TTN: variants seen among roughly 807,000 people sequenced by gnomAD.
TTN encodes the protein connectin.
TTN carries 1,525 observed loss-of-function variants against 3,223.0 expected under a neutral mutation model. The observed-to-expected ratio is 0.47, with a 90% confidence interval of 0.45 to 0.49. TTN has a LOEUF of 0.49. Ranked by LOEUF, TTN falls within the 20% of genes least tolerant of loss-of-function variation. TTN has a pLI of 0.00. For missense variants in TTN, 40,786 were observed against 43,424.0 expected, an observed-to-expected ratio of 0.94 and a Z score of 5.40; for synonymous variants, 14,094 against 15,161.0, an observed-to-expected ratio of 0.93 and a Z score of 5.17.
In TTN at chr2:178,646,667, T is replaced by C. The variant is rs763764030; in HGVS notation, c.40223-108A>G. ...AGATTACAGTCACAAAATAAAAATA[T>C]ACAATTCATACAAATTCATGTATAG... On this transcript the variant is annotated intron_variant, in intron 215 of 362. Transcript: ENST00000589042. The C allele has an allele frequency of 1.1e-4, 72 of 629,822 alleles. 2 individuals carry two copies. Among genetic ancestry groups the C allele is most frequent in the South Asian group, 5.2e-4 (22 of 41,974 alleles). The allele number at this position is 629,822 out of a possible 1,614,324, so 39.0% of individuals were successfully genotyped here.
chr2:178,678,185 T>TG lies in TTN; in HGVS notation c.33933dup (p.Ile11312HisfsTer26). On this transcript the variant is annotated frameshift_variant, in exon 145 of 363. Transcript: ENST00000589042. LOFTEE classifies it high-confidence loss of function. ...GGTGTTGGTTTCTTTTCTTCTGGGA[T>TG]GAGCTTCTTGGGCACCTCTGGCACT... The TG allele has an allele frequency of 1.2e-6, 2 of 1,610,908 alleles. No individual in the cohort carries two copies. Among genetic ancestry groups the TG allele is most frequent in the Non-Finnish European group, 8.5e-7 (1 of 1,178,824 alleles).
intron 336 of TTN, 57 bp downstream of exon 336, chr2:178,550,910 G>T: frequency 6.5e-7 from 1 of 1,545,132 alleles, no homozygotes; most frequent in Non-Finnish European, 8.7e-7. Context: ...GGCCAAATGT[G>T]TTTTTTAAAA....
Position 178,735,537 on chromosome 2 carries a change from G to A in TTN, c.14909C>T (p.Ser4970Phe), listed in dbSNP as rs1418301543. 8.1e-6 allele frequency: 13 copies of A among 1,595,578 alleles called. No homozygotes were observed. The highest frequency in any genetic ancestry group is 7.7e-6 in the Non-Finnish European group (9 of 1,172,484). The change falls in exon 50 of 363, where the codon TCC becomes TTC. Residue 4970 changes from serine to phenylalanine, a missense_variant. Ser to Phe is a radical substitution (Grantham distance 155). Coordinates refer to ENST00000589042, the MANE Select transcript of TTN (RefSeq NM_001267550.2). ...CTASNEAGSSSCSATVTVREP... is the reference protein window; with the variant it reads ...CTASNEAGSSFCSATVTVREP... ...TCTGACAGTGACTGTGGCTGAGCAG[G>A]AGCTGCTTCCAGCCTCATTTGAAGC...
Position 178,741,691 on chromosome 2 carries a change from T to C in TTN, c.11542A>G (p.Lys3848Glu). 1 of 1,613,786 alleles carries C rather than the reference T, an allele frequency of 6.2e-7. No individual in the cohort carries two copies. The highest frequency in any genetic ancestry group is 1.3e-5 in the African/African-American group (1 of 75,038). The change falls in exon 48 of 363, where the codon AAA (lysine) becomes GAA (glutamate). Residue 3848 changes from lysine (K) to glutamate (E), a missense_variant. Coordinates refer to ENST00000589042, the MANE Select transcript of TTN (RefSeq NM_001267550.2). ...TTAAAGAACCACTGAATTTTAGGTTTGGGGATGCCAATGACAGTTACAGAC... is the reference window on the plus strand; with the variant it reads ...TTAAAGAACCACTGAATTTTAGGTTCGGGGATGCCAATGACAGTTACAGAC... ...TLSVTVIGIP[K>E]PKIQWFFNGV...
Position 178,561,829 on chromosome 2 carries a change from T to C in TTN, c.84303A>G (p.Thr28101=), listed in dbSNP as rs371905053. The change falls in exon 326 of 363, where the codon ACA becomes ACG. Residue 28101 remains threonine, a synonymous_variant. Coordinates refer to ENST00000589042, the MANE Select transcript of TTN (RefSeq NM_001267550.2). ...CAACTGCTTGTGAAACTATGTGCCA[T>C]GTTGTAGAGGTGGTTTCTTTCTTTT... ...IVEKKETTST[T]WHIVSQAVAR... is the part of the protein sequence containing the mutation. 3.7e-6 allele frequency: 6 copies of C among 1,613,598 alleles called. No homozygotes were observed. The highest frequency in any genetic ancestry group is 1.3e-5 in the African/African-American group (1 of 74,926).
chr2:178,746,840 T>G (rs1329434128), intron 47 of TTN: 2 of 1,613,320 alleles, frequency 1.2e-6, no homozygotes, highest in Non-Finnish European at 1.7e-6. Context: ...GGTCAGAGGT[T>G]CAATAAAAGA....
intron 121 of TTN, 43 bp downstream of exon 121, chr2:178,691,973 G>T (rs2154280038): frequency 6.5e-7 from 1 of 1,539,178 alleles, no homozygotes; most frequent in Non-Finnish European, 8.9e-7. Flanking sequence ...CAAAAGGCTG[G>T]CACTTGGAGC....
rs1364550008 is a variant in TTN, at chr2:178,557,738, C to T, written c.87616G>A (p.Glu29206Lys). The change falls in exon 328 of 363, where the codon GAA becomes AAA. Residue 29206 changes from glutamate to lysine, a missense_variant. Transcript: ENST00000589042. ...GCCTTGATGCGGAATTGGTATTCTT[C>T]TCCTGTGGTCAGTTTCATGACTTTC... ...MMKVMKLTTG[E>K]EYQFRIKAEN... 1 of 1,613,962 alleles carries T rather than the reference C, an allele frequency of 6.2e-7. No individual in the cohort carries two copies. The highest frequency in any genetic ancestry group is 8.5e-7 in the Non-Finnish European group (1 of 1,179,852).
At chr2:178,731,282 CA>C (rs1560797014) in intron 59 of TTN, 22 bp downstream of exon 59, 12 of 1,612,052 alleles carry the variant, frequency 7.4e-6, no homozygotes, top group Non-Finnish European at 1.0e-5. Flanking sequence ...TCCTCAAACC[CA>C]AGGCAAACGT....
chr2:178,547,984 AG>A lies in TTN; in HGVS notation c.93641del (p.Thr31214MetfsTer12). 1.2e-6 allele frequency: 2 copies of A among 1,613,680 alleles called. No homozygotes were observed. The highest frequency in any genetic ancestry group is 1.7e-6 in the Non-Finnish European group (2 of 1,179,720). On this transcript the variant is annotated frameshift_variant, in exon 339 of 363. Transcript: ENST00000589042. LOFTEE classifies it high-confidence loss of function. ...VIIKEPQIEP[T>X]ADLTGITNQL... The stretch of plus-strand genomic sequence containing the variant: ...GATTGGTAATTCCAGTGAGGTCAGC[AG>A]TGGGCTCGATTTGAGGCTCCTTAAT...
rs376814602 is a variant in TTN at position 178,568,284 on chromosome 2, G to A, written c.77848C>T (p.Leu25950Phe). The change falls in exon 326 of 363, where the codon CTC (leucine) becomes TTC (phenylalanine). Residue 25950 changes from leucine to phenylalanine, a missense_variant. Coordinates refer to ENST00000589042, the MANE Select transcript of TTN (RefSeq NM_001267550.2). ...VVSATVARTT[L>F]KVTKLKTGTE... is the part of the protein sequence containing the mutation. Reference sequence around the variant, plus strand: ...CCAGTTTTCAGTTTGGTCACTTTGAGTGTAGTTCTAGCAACAGTAGCAGAA... The same window carrying A: ...CCAGTTTTCAGTTTGGTCACTTTGAATGTAGTTCTAGCAACAGTAGCAGAA... 6.4e-5 allele frequency: 104 copies of A among 1,613,492 alleles called. 3 individuals carry two copies. The East Asian group carries it at 1.4e-3, about 21-fold the overall frequency.
intron 218 of TTN, among the ~76,000 whole-genome samples, chr2:178,642,680 A>G (rs189970708): frequency 4.2e-4 from 64 of 151,944 alleles, no homozygotes; most frequent in African/African-American, 1.5e-3. Context: ...GATGTTATCT[A>G]CCCAACCACT....
In TTN at chr2:178,635,966, C is replaced by A; in HGVS notation, c.41605G>T (p.Val13869Leu). Residue 13869 changes from valine to leucine, a missense_variant, in exon 226 of 363, where the codon GTA (valine) becomes TTA (leucine). Val to Leu is a conservative substitution (Grantham distance 32). Coordinates refer to ENST00000589042, the MANE Select transcript of TTN (RefSeq NM_001267550.2). The stretch of plus-strand genomic sequence containing the variant: ...AATCTCCCAGGAAAGTACTAACCTA[C>A]TACTTTTACGCAAGATGAACACTCC... ...NLECSSCVKVVEVIRDWLVKP... is the reference protein window; with the variant it reads ...NLECSSCVKVLEVIRDWLVKP... 6.3e-7 allele frequency: 1 copy of A among 1,591,390 alleles called. No individual in the cohort carries two copies. Among genetic ancestry groups the A allele is most frequent in the South Asian group, 1.1e-5 (1 of 87,602 alleles).
At chr2:178,691,287 C>T (rs1226206365) in intron 121 of TTN, among the ~76,000 whole-genome samples, 2 of 152,138 alleles carry the variant, frequency 1.3e-5, no homozygotes, top group Admixed American at 6.6e-5. Flanking sequence ...GCAATTGTAG[C>T]TTCAGTGCTT....
intron 294 of TTN, among the ~76,000 whole-genome samples, chr2:178,596,188 A>G (rs532349527): frequency 4.0e-5 from 6 of 151,864 alleles, no homozygotes; most frequent in Non-Finnish European, 8.8e-5. Flanking sequence ...ACAGGGTTTC[A>G]CCATGTTGGT....
At chr2:178,712,262 CA>C in intron 95 of TTN, 40 bp from the exon 96 acceptor site, 1 of 1,608,432 alleles carries the variant, frequency 6.2e-7, no homozygotes, top group Non-Finnish European at 8.5e-7. Flanking sequence ...ATGAAGGAGA[CA>C]TGCCAGATCA....
In TTN at chr2:178,554,569, A is replaced by G; in HGVS notation, c.88778T>C (p.Ile29593Thr). Residue 29593 changes from isoleucine to threonine, a missense_variant, in exon 332 of 363, where the codon ATT becomes ACT. Physicochemically the swap from Ile to Thr is moderately conservative, Grantham distance 89. Coordinates refer to ENST00000589042, the MANE Select transcript of TTN (RefSeq NM_001267550.2). ...MVSEHLEECI[I>T]TTTKIIKGNE... is the part of the protein sequence containing the mutation. ...TCCTTTGATAATTTTGGTGGTTGTA[A>G]TGATGCACTCTTCCAAATGTTCAGA... 2 of 1,613,840 alleles carry G rather than the reference A, an allele frequency of 1.2e-6. No individual in the cohort carries two copies. Among genetic ancestry groups the G allele is most frequent in the South Asian group, 1.1e-5 (1 of 91,080 alleles).
chr2:178,623,856 A>G (rs1473868337), intron 242 of TTN, among the ~76,000 whole-genome samples: 1 of 152,018 alleles, frequency 6.6e-6, no homozygotes, highest in Non-Finnish European at 1.5e-5. Context: ...CAGAGGAAGA[A>G]GTAATGTTAA....
intron 110 of TTN, 84 bp downstream of exon 110, chr2:178,701,444 G>T: frequency 7.2e-7 from 1 of 1,387,402 alleles, no homozygotes; most frequent in Non-Finnish European, 9.9e-7. Context: ...GCTGCAGTTT[G>T]GTCGCTGGTA....
Sources: gnomAD v4.1 joint callset for allele counts (sites outside exome capture counted in the v4.1 genomes callset) on GRCh38, gnomAD v4.1.1 for gene constraint, MANE v1.5 for transcripts, NCBI Gene and HGNC (gene_info 2026-07-23, HGNC 2026-07-21) for gene names.